The following DLG3 variants were observed in gnomAD, a reference collection of about 807,000 sequenced individuals.
DLG3 encodes discs large MAGUK scaffold protein 3, also known as disks large homolog 3.
A neutral mutation model predicts 64.1 loss-of-function variants in DLG3; 1 was observed. The observed-to-expected ratio is 0.02, with a 90% CI of 0.01 to 0.07. The LOEUF (loss-of-function observed/expected upper bound fraction) is 0.07. Ranked by LOEUF, DLG3 falls within the 10% of genes least tolerant of loss-of-function variation. The probability of loss-of-function intolerance (pLI) is 1.00; values close to 1 mark genes in which losing one functional copy is unlikely to be tolerated. For synonymous variants in DLG3, 245 were observed against 259.8 expected (o/e 0.94, Z 0.55); for missense variants, 429 against 669.5 (o/e 0.64, Z 3.96).
intron 1 of DLG3, among the ~76,000 whole-genome samples, chrX:70,447,877 G>C (rs1272417949): frequency 4.1e-4 from 46 of 112,078 alleles, no homozygotes; most frequent in Non-Finnish European, 3.4e-4. Flanking sequence ...CTGTGTTTCT[G>C]ACCCCTTCCC....
chrX:70,465,251 G>A (rs1161729303), intron 9 of DLG3, among the ~76,000 whole-genome samples: 1 of 112,060 alleles, frequency 8.9e-6, no homozygotes, highest in African/African-American at 3.2e-5. Flanking sequence ...GGGAAATACG[G>A]TAGATGCACT....
At chrX:70,500,127 C>T (rs2087528223) in intron 16 of DLG3, 78 bp downstream of exon 16, 2 of 960,354 alleles carry the variant, frequency 2.1e-6, no homozygotes, top group Non-Finnish European at 2.9e-6. Context: ...ATCCTTCCAA[C>T]ACAGGAGCTG....
chrX:70,451,820 C>T, intron 6 of DLG3, 47 bp from the exon 7 acceptor site: 1 of 1,203,496 alleles, frequency 8.3e-7, no homozygotes, highest in Non-Finnish European at 1.1e-6. Flanking sequence ...TTTGGGGTAC[C>T]TCCCTGGACC....
chrX:70,480,442 A>T (rs1000254755), intron 10 of DLG3, among the ~76,000 whole-genome samples: 1 of 111,866 alleles, frequency 8.9e-6, no homozygotes, highest in Admixed American at 9.5e-5. Context: ...AGAACCCTTC[A>T]CAATCTTTCC....
At chrX:70,482,529 A>G (rs1344244188) in intron 10 of DLG3, among the ~76,000 whole-genome samples, 3 of 111,100 alleles carry the variant, frequency 2.7e-5, no homozygotes, top group Non-Finnish European at 5.7e-5. Flanking sequence ...TGCTCTGACT[A>G]TAAAGTGTGG....
Position 70,476,468 on chromosome X carries a change from C to T in DLG3, c.1406-2682C>T. On this transcript the variant is annotated intron_variant, in intron 9 of 18. Coordinates refer to ENST00000374360, the MANE Select transcript of DLG3 (RefSeq NM_021120.4). ...GAATTGAGATGCTTTTTAAGGGAAGCTTTTGTCCTGGGAAAATGATACCTC... is the reference window on the plus strand; with the variant it reads ...GAATTGAGATGCTTTTTAAGGGAAGTTTTTGTCCTGGGAAAATGATACCTC... Among the ~76,000 whole-genome samples the T allele has an allele frequency of 1.8e-5, 2 of 111,471 alleles. 1 individual carries two copies.
Position 70,465,157 on chromosome X carries a change from C to T in DLG3, c.1405+10841C>T, listed in dbSNP as rs138504306. On this transcript the variant is annotated intron_variant, in intron 9 of 18. Transcript: ENST00000374360. Reference sequence around the variant, plus strand: ...AAAAAGAAGTGGTGAGCACTAGGAACTGGTATTGGTTCACCAAGGACAAAA... The same window carrying T: ...AAAAAGAAGTGGTGAGCACTAGGAATTGGTATTGGTTCACCAAGGACAAAA... Among the ~76,000 whole-genome samples the T allele has an allele frequency of 7.0e-3, 782 of 111,770 alleles. 7 individuals are homozygous for T. Among genetic ancestry groups the T allele is most frequent in the African/African-American group, 0.024 (734 of 30,800 alleles).
intron 6 of DLG3, 167 bp downstream of exon 6, chrX:70,450,950 C>T: frequency 1.5e-6 from 1 of 646,329 alleles, no homozygotes; most frequent in Admixed American, 3.0e-5. Context: ...TAATTGAAAA[C>T]TTTGCTCAGT....
chrX:70,455,202 G>T (rs914453670), intron 9 of DLG3: 2 of 752,592 alleles, frequency 2.7e-6, no homozygotes, highest in African/African-American at 4.6e-5. Context: ...CGCGCGGGAC[G>T]GAGGGACTGG....
In DLG3 at chrX:70,489,967, A is replaced by T. The variant is rs868639492; in HGVS notation, c.1521-2140A>T. 2.7e-5 allele frequency among the ~76,000 whole-genome samples: 3 copies of T among 110,753 alleles called. No homozygotes were observed. The South Asian group carries it at 1.2e-3, about 43-fold the overall frequency. On this transcript the variant is annotated intron_variant, in intron 10 of 18. Coordinates refer to ENST00000374360, the MANE Select transcript of DLG3 (RefSeq NM_021120.4). Reference sequence around the variant, plus strand: ...AACCTCTGCCTCCCAGGTTGAAGCAATTCTCCTGCCTCAGCCTCCCGAGTA... The same window carrying T: ...AACCTCTGCCTCCCAGGTTGAAGCATTTCTCCTGCCTCAGCCTCCCGAGTA...
intron 9 of DLG3, chrX:70,455,370 C>G (rs898043218): frequency 2.3e-5 from 17 of 748,947 alleles, no homozygotes; most frequent in Non-Finnish European, 2.5e-5. Context: ...ATTCTGCCCT[C>G]TCCCTCGAAT....
At chrX:70,470,980 T>G (rs73536978) in intron 9 of DLG3, among the ~76,000 whole-genome samples, 3,006 of 111,313 alleles carry the variant, frequency 0.027, 97 homozygotes, top group African/African-American at 0.092. Context: ...TGTTGGTCAG[T>G]TTTTAGCATG....
chrX:70,473,551 A>G (rs1460431079), intron 9 of DLG3, among the ~76,000 whole-genome samples: 1 of 112,001 alleles, frequency 8.9e-6, no homozygotes, highest in Non-Finnish European at 1.9e-5. Flanking sequence ...CTCAGCAGCT[A>G]GCACAATGCC....
rs1451323566 is a variant in DLG3, at chrX:70,504,899, G to A, written c.*2630G>A. 8.9e-6 allele frequency: 1 copy of A among 112,509 alleles called. No homozygotes were observed. The highest frequency in any genetic ancestry group is 1.9e-5 in the Non-Finnish European group (1 of 53,248). 9.3% of individuals were successfully genotyped at this position (112,509 alleles called of 1,213,427 possible). A position where few individuals can be genotyped will look rare whatever the true frequency, so the allele number is the denominator to read the frequency against. Reference sequence around the variant, plus strand: ...AGTTCTGGCAGTTCTGACGTGGCAGGTGCCATTGCAACTTGTGCGGAGGAG... The same window carrying A: ...AGTTCTGGCAGTTCTGACGTGGCAGATGCCATTGCAACTTGTGCGGAGGAG... On this transcript the variant is annotated 3_prime_UTR_variant, in exon 19 of 19. Transcript: ENST00000374360.
intron 16 of DLG3, 51 bp from the exon 17 acceptor site, chrX:70,500,420 G>A: frequency 9.7e-7 from 1 of 1,035,798 alleles, no homozygotes; most frequent in Non-Finnish European, 1.4e-6. Context: ...TTTCTGCTTG[G>A]GACTTGGTGA....
chrX:70,501,405 C>CTGTGTGTGTGTGTGTG (rs1443311416), intron 18 of DLG3, among the ~76,000 whole-genome samples: 3 of 45,541 alleles, frequency 6.6e-5, no homozygotes, highest in African/African-American at 1.5e-4. Flanking sequence ...GGGTGTCTGT[C>CTGTGTGTGTGTGTGTG]TGTCTGTCTG....
Position 70,499,268 on chromosome X carries a change from T to C in DLG3, c.1963T>C (p.Cys655Arg), listed in dbSNP as rs1293747729. The stretch of plus-strand genomic sequence containing the variant: ...CGAATTTCCACATAAATTTGGATCC[T>C]GTGTGCCACGTAAGAGTCCAGGAAG... ...ISEFPHKFGSCVPHTTRPRRD... is the reference protein window; with the variant it reads ...ISEFPHKFGSRVPHTTRPRRD... Residue 655 changes from cysteine to arginine, a missense_variant, in exon 15 of 19, where the codon TGT becomes CGT. Physicochemically the swap from Cys to Arg is radical, Grantham distance 180 (BLOSUM62 -3). This residue lies in a region of DLG3 where 46 missense variants were observed against 64.4 expected (regional missense o/e 0.71). Transcript: ENST00000374360. 8.3e-7 allele frequency: 1 copy of C among 1,202,132 alleles called. No homozygotes were observed. The highest frequency in any genetic ancestry group is 1.1e-6 in the Non-Finnish European group (1 of 886,747).
chrX:70,447,124 G>A (rs902744618), intron 1 of DLG3, among the ~76,000 whole-genome samples: 1 of 110,862 alleles, frequency 9.0e-6, no homozygotes, highest in Non-Finnish European at 1.9e-5. Flanking sequence ...ATCCCAGGCT[G>A]GGCCAGTTGG....
chrX:70,452,788 G>T, intron 7 of DLG3: 6 of 1,121,607 alleles, frequency 5.3e-6, no homozygotes, highest in Non-Finnish European at 7.1e-6. Flanking sequence ...AAGAGCATCC[G>T]GGACTCAGGG....
Sources: allele counts gnomAD v4.1 joint callset (sites outside exome capture counted in the v4.1 genomes callset), GRCh38; gene constraint gnomAD v4.1.1; regional missense constraint gnomAD v4.1.1; transcripts MANE v1.5; gene names NCBI Gene and HGNC (gene_info 2026-07-23, HGNC 2026-07-21).